TUSC3: variants seen among roughly 807,000 people sequenced by gnomAD.
TUSC3 encodes dolichyl-diphosphooligosaccharide--protein glycosyltransferase subunit TUSC3.
Under a neutral mutation model 44.8 loss-of-function variants are expected in TUSC3, and 45 were observed. The observed-to-expected ratio is 1.00, with a 90% confidence interval of 0.79 to 1.29. The LOEUF (loss-of-function observed/expected upper bound fraction) is 1.29. Among genes scored for constraint, TUSC3 ranks in the 50% most tolerant of loss-of-function variants. TUSC3 has a pLI of 0.00. For synonymous variants in TUSC3, 212 were observed against 152.9 expected (o/e 1.39, Z -2.85); for missense variants, 519 against 437.9 (o/e 1.19, Z -1.65).
intron 1 of TUSC3, among the ~76,000 whole-genome samples, chr8:15,446,422 C>G (rs903459697): frequency 4.6e-5 from 7 of 152,042 alleles, no homozygotes; most frequent in Non-Finnish European, 7.4e-5. Context: ...CGCCACTGCA[C>G]TCCAGCCTGG....
In TUSC3 at chr8:15,472,195, G is replaced by T. The variant is rs543982751; in HGVS notation, n.92-11191G>T. ...AATATATAGAGAAAGTAAAATACAA[G>T]TCTTAACTTAATGCCTAAAACTTAA... On this transcript the variant is annotated intron_variant and non_coding_transcript_variant, in intron 1 of 5. Coordinates refer to the TUSC3 transcript ENST00000503191. 4.6e-5 allele frequency among the ~76,000 whole-genome samples: 7 copies of T among 152,242 alleles called. No individual in the cohort carries two copies. In the South Asian group the frequency reaches 1.4e-3, roughly 32 times the overall value.
At chr8:15,792,747 C>CT in the TUSC3 span, among the ~76,000 whole-genome samples, 1 of 152,000 alleles carries the variant, frequency 6.6e-6, no homozygotes, top group African/African-American at 2.4e-5. Flanking sequence ...CCTCGAGTAG[C>CT]TGGGATTACA....
chr8:15,839,433 C>G, the TUSC3 span, among the ~76,000 whole-genome samples: 12 of 151,998 alleles, frequency 7.9e-5, no homozygotes, highest in African/African-American at 2.9e-4. Flanking sequence ...CCTGAGTGAA[C>G]AGGCAACCCA....
chr8:15,442,326 T>C (rs1335502439), intron 1 of TUSC3, among the ~76,000 whole-genome samples: 1 of 146,602 alleles, frequency 6.8e-6, no homozygotes, highest in African/African-American at 2.5e-5. Flanking sequence ...CTTGAGGAAG[T>C]ATTTTTTTTA....
rs1491232177 is a variant in TUSC3, at chr8:15,573,230, A to AT, written c.138+32662_138+32663insT. Among the ~76,000 whole-genome samples, 1,038 of 105,936 alleles carry AT rather than the reference A, an allele frequency of 9.8e-3. 22 individuals carry two copies. The highest frequency in any genetic ancestry group is 0.038 in the African/African-American group (980 of 25,742). 69.5% of individuals were successfully genotyped at this position (105,936 alleles called of 152,430 possible). A position where few individuals can be genotyped will look rare whatever the true frequency, so the allele number is the denominator to read the frequency against. ...TATATATATATATATATATATATAT[A>AT]AAAGTTTTTTTTTTTTTGGGCATAC... On this transcript the variant is annotated intron_variant, in intron 1 of 10. Transcript: ENST00000503731.
At chr8:15,504,577 GGA>G (rs1563268475) in intron 2 of TUSC3, among the ~76,000 whole-genome samples, 1,704 of 53,114 alleles carry the variant, frequency 0.032, 17 homozygotes, top group Non-Finnish European at 0.044. Context: ...GCAACTTTCA[GGA>G]TATATATATA....
intron 2 of TUSC3, among the ~76,000 whole-genome samples, chr8:15,640,216 G>C (rs1057434099): frequency 6.6e-6 from 1 of 152,214 alleles, no homozygotes; most frequent in Non-Finnish European, 1.5e-5. Context: ...CTTGGGCACT[G>C]AATCTGTAAT....
chr8:15,619,086 T>G (rs986821737), intron 1 of TUSC3, among the ~76,000 whole-genome samples: 2 of 152,220 alleles, frequency 1.3e-5, no homozygotes, highest in Non-Finnish European at 2.9e-5. Context: ...AGTTTGATAC[T>G]TAAAATTCAA....
chr8:15,428,113 GC>G (rs1427507484), intron 1 of TUSC3, among the ~76,000 whole-genome samples: 228 of 70,900 alleles, frequency 3.2e-3, no homozygotes, highest in African/African-American at 0.012. Flanking sequence ...ATGCTATCCC[GC>G]CCCCCTCCCC....
intron 2 of TUSC3, among the ~76,000 whole-genome samples, chr8:15,649,188 A>C (rs1038227699): frequency 6.6e-6 from 1 of 152,182 alleles, no homozygotes; most frequent in Admixed American, 6.5e-5. Context: ...AAGAAATCAC[A>C]TAAGGTTTTC....
intron 1 of TUSC3, chr8:15,561,703 G>T (rs1802470438): frequency 6.7e-6 from 1 of 149,502 alleles, no homozygotes; most frequent in Non-Finnish European, 1.5e-5. Context: ...ATATAATCTT[G>T]TGGTGCGCCG....
the TUSC3 span, among the ~76,000 whole-genome samples, chr8:15,817,877 G>A: frequency 6.6e-6 from 1 of 152,152 alleles, no homozygotes; most frequent in African/African-American, 2.4e-5. Context: ...GAGTGCTAAA[G>A]TGAATTGGGG....
At chr8:15,698,568 C>T (rs1809263801) in intron 6 of TUSC3, among the ~76,000 whole-genome samples, 2 of 151,994 alleles carry the variant, frequency 1.3e-5, no homozygotes, top group African/African-American at 2.4e-5. Flanking sequence ...ATTATGTTAC[C>T]GAGGTAATCT....
rs60092911 is a variant in TUSC3 at position 15,483,649 on chromosome 8, A to ATTTTTT, written n.189+185_189+190dup. 1.7e-3 allele frequency among the ~76,000 whole-genome samples: 113 copies of ATTTTTT among 66,160 alleles called. 17 individuals are homozygous for ATTTTTT. Among genetic ancestry groups the ATTTTTT allele is most frequent in the East Asian group, 0.016 (24 of 1,490 alleles). 43.4% of individuals were successfully genotyped at this position (66,160 alleles called of 152,430 possible). A position where few individuals can be genotyped will look rare whatever the true frequency, so the allele number is the denominator to read the frequency against. On this transcript the variant is annotated intron_variant and non_coding_transcript_variant, in intron 2 of 5. Transcript: ENST00000503191. ...CCGTCGTGCCCAGCCTAGCACTGTGATTTTTTTTTTTTTTTTTTTTTTTTG... is the reference window on the plus strand; with the variant it reads ...CCGTCGTGCCCAGCCTAGCACTGTGATTTTTTTTTTTTTTTTTTTTTTTTTTTTTTG...
At chr8:15,751,053 T>G (rs1206232418) in intron 9 of TUSC3, among the ~76,000 whole-genome samples, 1 of 152,150 alleles carries the variant, frequency 6.6e-6, no homozygotes, top group East Asian at 1.9e-4. Context: ...GGCCTCTGGC[T>G]GCTATAACAG....
At chr8:15,723,168 A>G (rs1810369916) in intron 6 of TUSC3, among the ~76,000 whole-genome samples, 1 of 152,160 alleles carries the variant, frequency 6.6e-6, no homozygotes, top group Non-Finnish European at 1.5e-5. Flanking sequence ...GGAAAATAAA[A>G]TTCTAAGATG....
chr8:15,682,541 G>T (rs376345300), intron 6 of TUSC3, among the ~76,000 whole-genome samples: 28 of 152,202 alleles, frequency 1.8e-4, no homozygotes, highest in African/African-American at 6.5e-4. Flanking sequence ...CTTTGAGCCT[G>T]TGAGTATTGT....
At chr8:15,788,679 G>A in the TUSC3 span, among the ~76,000 whole-genome samples, 85 of 152,236 alleles carry the variant, frequency 5.6e-4, no homozygotes, top group African/African-American at 2.0e-3. Flanking sequence ...CAGGTGAAAG[G>A]TTAATTTCTC....
At chr8:15,651,939 A>G (rs935462055) in intron 3 of TUSC3, among the ~76,000 whole-genome samples, 1 of 152,164 alleles carries the variant, frequency 6.6e-6, no homozygotes, top group Non-Finnish European at 1.5e-5. Flanking sequence ...TCACAGTGAG[A>G]GAAATGTTGT....
Sources: allele counts gnomAD v4.1 joint callset (sites outside exome capture counted in the v4.1 genomes callset), GRCh38; gene constraint gnomAD v4.1.1; transcripts MANE v1.5; gene names NCBI Gene and HGNC (gene_info 2026-07-23, HGNC 2026-07-21).